The following JAK1 variants were observed in gnomAD, a reference collection of about 807,000 sequenced individuals.
The protein encoded by JAK1 is tyrosine-protein kinase JAK1.
Under a neutral mutation model 136.6 loss-of-function variants are expected in JAK1, and 16 were observed. That is an observed-to-expected ratio of 0.12 (90% CI 0.08 to 0.18). JAK1 has a LOEUF of 0.18. JAK1 is among the 10% of genes least tolerant of loss of function. The pLI is 1.00. For synonymous variants in JAK1, 492 were observed against 519.5 expected (o/e 0.95, Z 0.72); for missense variants, 859 against 1,450.1 (o/e 0.59, Z 6.62).
chr1:64,874,737 T>C (rs927869936), intron 4 of JAK1, among the ~76,000 whole-genome samples: 8 of 152,274 alleles, frequency 5.3e-5, no homozygotes, highest in African/African-American at 1.7e-4. Context: ...AACCATGTCA[T>C]GGAGAAGCAA....
At chr1:64,850,179 G>A (rs1217273289) in intron 12 of JAK1, among the ~76,000 whole-genome samples, 1 of 152,168 alleles carries the variant, frequency 6.6e-6, no homozygotes, top group Admixed American at 6.5e-5. Flanking sequence ...CAGGGCTGGG[G>A]AGCGGTGGCA....
In JAK1 at chr1:64,841,621, A is replaced by G. The variant is rs769099576; in HGVS notation, c.2404-20T>C. On this transcript the variant is annotated intron_variant, in intron 17 of 24. Coordinates refer to ENST00000342505, the MANE Select transcript of JAK1 (RefSeq NM_002227.4). ...CTCTTTCTGTAAACAAGAGGGGCAC[A>G]TGGAAGAAACCAAAGGAACCACCTA... The G allele has an allele frequency of 6.2e-6, 10 of 1,612,930 alleles. No individual in the cohort carries two copies. The highest frequency in any genetic ancestry group is 8.5e-6 in the Non-Finnish European group (10 of 1,179,892).
At chr1:64,949,946 T>G (rs561860565) in intron 1 of JAK1, among the ~76,000 whole-genome samples, 44 of 152,074 alleles carry the variant, frequency 2.9e-4, no homozygotes, top group Admixed American at 1.8e-3. Context: ...AATACTACAT[T>G]CAAAAATGAT....
intron 3 of JAK1, among the ~76,000 whole-genome samples, chr1:64,881,011 G>A (rs1644764064): frequency 6.6e-6 from 1 of 152,040 alleles, no homozygotes; most frequent in African/African-American, 2.4e-5. Context: ...GCTCACACCT[G>A]TAATCCCAAA....
At chr1:64,985,641 C>A (rs1052084159) in intron 2 of JAK1, 15 of 757,676 alleles carry the variant, frequency 2.0e-5, no homozygotes, top group East Asian at 5.1e-5. Context: ...GCCAAAGACA[C>A]CTTGCAGGCC....
intron 8 of JAK1, among the ~76,000 whole-genome samples, chr1:64,863,756 T>A (rs1656515632): frequency 6.6e-6 from 1 of 152,234 alleles, no homozygotes; most frequent in African/African-American, 2.4e-5. Context: ...GCAACCTGAT[T>A]TTCTAATATT....
intron 1 of JAK1, among the ~76,000 whole-genome samples, chr1:64,913,749 G>A (rs1250705794): frequency 6.6e-6 from 1 of 150,722 alleles, no homozygotes; most frequent in Non-Finnish European, 1.5e-5. Context: ...TTGAAAGGAA[G>A]TGTGTGGGAG....
At chr1:65,060,980 C>T (rs1647767067) in intron 1 of JAK1, among the ~76,000 whole-genome samples, 1 of 152,136 alleles carries the variant, frequency 6.6e-6, no homozygotes, top group Non-Finnish European at 1.5e-5. Context: ...TGCTTTCTTC[C>T]AGGACCCAAA....
chr1:64,919,892 T>C (rs1247192264), intron 1 of JAK1, among the ~76,000 whole-genome samples: 1 of 148,336 alleles, frequency 6.7e-6, no homozygotes, highest in Non-Finnish European at 1.5e-5. Context: ...CAGGACAGAG[T>C]CGGGTTCTTG....
At position 64,850,901 on chromosome 1, in the gene JAK1, T is replaced by G. The variant is rs776855575; in HGVS notation, c.1658A>C (p.Asn553Thr). The G allele has an allele frequency of 6.2e-6, 10 of 1,612,320 alleles. No homozygotes were observed. Among genetic ancestry groups the G allele is most frequent in the African/African-American group, 2.7e-5 (2 of 74,794 alleles). ...GGCTTTCTTAGTAGCCACCAGCAGG[T>G]TGGAGATTTCTGTGGAAGAGATTGG... is the stretch of plus-strand genomic sequence containing the variant. Reference protein sequence around the residue: ...CCQPKPREISNLLVATKKAQE... With the variant: ...CCQPKPREISTLLVATKKAQE... Residue 553 changes from asparagine (N) to threonine (T), a missense_variant, in exon 12 of 25, where the codon AAC (asparagine) becomes ACC (threonine). Asn to Thr is a moderately conservative substitution (Grantham distance 65). This residue lies in a region of JAK1 where 409 missense variants were observed against 753.8 expected (regional missense o/e 0.54). Transcript: ENST00000342505.
At chr1:64,985,187 C>T in intron 2 of JAK1, 1 of 1,504,736 alleles carries the variant, frequency 6.6e-7, no homozygotes, top group Non-Finnish European at 9.2e-7. Flanking sequence ...CACAGATGGG[C>T]TCTTGAACAC....
chr1:64,958,308 C>T (rs928161470), intron 1 of JAK1, among the ~76,000 whole-genome samples: 2 of 151,870 alleles, frequency 1.3e-5, no homozygotes, highest in Non-Finnish European at 2.9e-5. Context: ...AGTGAATGGT[C>T]GTTCTACACA....
At chr1:64,868,159 G>A (rs1199304102) in intron 6 of JAK1, among the ~76,000 whole-genome samples, 2 of 152,184 alleles carry the variant, frequency 1.3e-5, no homozygotes, top group African/African-American at 4.8e-5. Flanking sequence ...TACCTATCCA[G>A]GTGCTAGTGG....
At chr1:64,957,251 T>C (rs535683079) in intron 1 of JAK1, among the ~76,000 whole-genome samples, 2 of 152,326 alleles carry the variant, frequency 1.3e-5, no homozygotes, top group Admixed American at 6.5e-5. Flanking sequence ...CGTTTTTTCA[T>C]GGGACACAAA....
chr1:64,895,962 G>A (rs978465987), intron 1 of JAK1, among the ~76,000 whole-genome samples: 45 of 152,308 alleles, frequency 3.0e-4, no homozygotes, highest in African/African-American at 9.9e-4. Context: ...AACGGTTATC[G>A]TAAATGAAGA....
chr1:64,920,907 T>C (rs1645483687), intron 1 of JAK1, among the ~76,000 whole-genome samples: 1 of 152,186 alleles, frequency 6.6e-6, no homozygotes, highest in Non-Finnish European at 1.5e-5. Flanking sequence ...CCTAATATCC[T>C]ACTGATAGAA....
chr1:64,973,737 C>G (rs1569794221), intron 2 of JAK1: 1 of 152,112 alleles, frequency 6.6e-6, no homozygotes, highest in East Asian at 1.9e-4. Context: ...GCTCACTAAC[C>G]CATTGAATCA....
intron 1 of JAK1, among the ~76,000 whole-genome samples, chr1:64,932,680 C>T (rs1158342310): frequency 6.6e-6 from 1 of 152,158 alleles, no homozygotes; most frequent in Admixed American, 6.5e-5. Context: ...CATATACTTT[C>T]ACTCAGCTAC....
intron 2 of JAK1, among the ~76,000 whole-genome samples, chr1:64,976,868 A>G (rs1033427694): frequency 6.6e-6 from 1 of 152,142 alleles, no homozygotes; most frequent in African/African-American, 2.4e-5. Context: ...CCACCCCACG[A>G]TAAGTTTACC....
Sources: allele counts gnomAD v4.1 joint callset (sites outside exome capture counted in the v4.1 genomes callset), GRCh38; gene constraint gnomAD v4.1.1; regional missense constraint gnomAD v4.1.1; transcripts MANE v1.5; gene names NCBI Gene and HGNC (gene_info 2026-07-23, HGNC 2026-07-21).